FGL1: variants seen among roughly 807,000 people sequenced by gnomAD.
The protein encoded by FGL1 is fibrinogen like 1.
FGL1 carries 59 observed loss-of-function variants against 43.7 expected under a neutral mutation model. The ratio of observed to expected loss-of-function variants is 1.35; its 90% CI spans 1.10 to 1.68. FGL1 has a LOEUF of 1.68. FGL1 is among the 40% of genes most tolerant of loss of function. The pLI, the probability that FGL1 is intolerant of heterozygous loss-of-function variation, is 0.00. For synonymous variants in FGL1, 192 were observed against 126.5 expected, an observed-to-expected ratio of 1.52 and a Z score of -3.48; for missense variants, 596 against 373.0, an observed-to-expected ratio of 1.60 and a Z score of -4.92.
At chr8:17,893,253 G>T (rs1019421081) in intron 1 of FGL1, among the ~76,000 whole-genome samples, 1 of 151,964 alleles carries the variant, frequency 6.6e-6, no homozygotes. Flanking sequence ...GCTTAAAAAA[G>T]AAATTTTCTC....
chr8:17,880,642 G>C (rs2053521062), intron 3 of FGL1, among the ~76,000 whole-genome samples: 1 of 152,172 alleles, frequency 6.6e-6, no homozygotes, highest in African/African-American at 2.4e-5. Flanking sequence ...AGACCTCACA[G>C]AGTGCCCAGT....
intron 2 of FGL1, among the ~76,000 whole-genome samples, chr8:17,883,462 T>G (rs2053580542): frequency 7.9e-6 from 1 of 126,152 alleles, no homozygotes; most frequent in Admixed American, 9.2e-5. Context: ...AGATATTATA[T>G]AATATATAAA....
Position 17,864,495 on chromosome 8 carries a change from A to T in FGL1, c.*97T>A. ...AAGAATGAAAAGCACTACTCACAAC[A>T]GTTATCATGATTGCGCATGGATATG... is the stretch of plus-strand genomic sequence containing the variant. On this transcript the variant is annotated 3_prime_UTR_variant, in exon 8 of 8. Coordinates refer to ENST00000427924, the MANE Select transcript of FGL1 (RefSeq NM_004467.4). 1 of 1,324,238 alleles carries T rather than the reference A, an allele frequency of 7.6e-7. No individual in the cohort carries two copies. The highest frequency in any genetic ancestry group is 1.0e-6 in the Non-Finnish European group (1 of 972,676). The allele number at this position is 1,324,238 out of a possible 1,614,324, so 82.0% of individuals were successfully genotyped here.
intron 3 of FGL1, among the ~76,000 whole-genome samples, chr8:17,875,487 CT>C (rs1312970286): frequency 0.06 from 369 of 6,186 alleles, 20 homozygotes; most frequent in African/African-American, 0.15. Context: ...ATATCTCTTT[CT>C]TTCTTTCTTT....
At chr8:17,884,640 A>G (rs34247352) in intron 2 of FGL1, among the ~76,000 whole-genome samples, 4 of 152,154 alleles carry the variant, frequency 2.6e-5, no homozygotes, top group African/African-American at 9.7e-5. Flanking sequence ...CTGGGTCCTG[A>G]GTTGTTTTAC....
chr8:17,876,713 C>G (rs1324864913), intron 3 of FGL1, among the ~76,000 whole-genome samples: 2 of 152,098 alleles, frequency 1.3e-5, no homozygotes, highest in African/African-American at 4.8e-5. Context: ...AATTTCCTAC[C>G]AAAGAGCTGA....
At chr8:17,881,783 A>G (rs148829286) in intron 3 of FGL1, among the ~76,000 whole-genome samples, 3,217 of 151,412 alleles carry the variant, frequency 0.021, 56 homozygotes, top group South Asian at 0.042. Flanking sequence ...GCAGTGAGCC[A>G]AAATTGCACC....
intron 3 of FGL1, among the ~76,000 whole-genome samples, chr8:17,875,515 CTT>C (rs1298337112): frequency 6.6e-4 from 6 of 9,110 alleles, no homozygotes; most frequent in African/African-American, 2.0e-3. Context: ...TTCTTTCTTT[CTT>C]TCTTTCTTTC....
chr8:17,878,128 T>G (rs1482262447), intron 3 of FGL1, among the ~76,000 whole-genome samples: 1 of 152,086 alleles, frequency 6.6e-6, no homozygotes, highest in East Asian at 1.9e-4. Flanking sequence ...GGCAATTTTT[T>G]TTTTATAGTG....
At chr8:17,864,793 G>A (rs758982917) in intron 7 of FGL1, 42 bp from the exon 8 acceptor site, 16 of 1,394,150 alleles carry the variant, frequency 1.1e-5, no homozygotes, top group East Asian at 2.6e-5. Context: ...CAATCAGACT[G>A]GAAAAATATT....
intron 3 of FGL1, among the ~76,000 whole-genome samples, chr8:17,881,701 G>T (rs1232511919): frequency 7.9e-5 from 12 of 151,404 alleles, no homozygotes; most frequent in Non-Finnish European, 1.6e-4. Context: ...GGGCCTGGTG[G>T]TGGGCACCTG....
intron 5 of FGL1, among the ~76,000 whole-genome samples, chr8:17,871,491 C>CAAA (rs11445398): frequency 3.0e-5 from 4 of 131,926 alleles, no homozygotes; most frequent in African/African-American, 5.6e-5. Flanking sequence ...AAATCTGTCT[C>CAAA]AAAAAAAAAA....
chr8:17,870,930 TC>T (rs2053349644), intron 5 of FGL1, among the ~76,000 whole-genome samples: 2 of 144,404 alleles, frequency 1.4e-5, no homozygotes, highest in Admixed American at 1.4e-4. Flanking sequence ...TTTTTTAGCC[TC>T]CCCTCAAGCT....
chr8:17,885,629 G>C lies in FGL1; in HGVS notation c.-17-58C>G, dbSNP rs77473833. 9.7e-4 allele frequency: 1,404 copies of C among 1,444,960 alleles called. 19 individuals are homozygous for C. In the East Asian group the frequency reaches 0.027, roughly 28 times the overall value. 89.5% of individuals were successfully genotyped at this position (1,444,960 alleles called of 1,614,324 possible). A position where few individuals can be genotyped will look rare whatever the true frequency, so the allele number is the denominator to read the frequency against. ...CAACCTTGAATTTTTCATGAGACCAGAGTTCAGACTTCAGTAGCTCCAGGA... is the reference window on the plus strand; with the variant it reads ...CAACCTTGAATTTTTCATGAGACCACAGTTCAGACTTCAGTAGCTCCAGGA... On this transcript the variant is annotated intron_variant, in intron 1 of 7. Coordinates refer to ENST00000427924, the MANE Select transcript of FGL1 (RefSeq NM_004467.4).
rs537894737 is a variant in FGL1, at chr8:17,867,117, C to T, written c.779+1431G>A. Among the ~76,000 whole-genome samples the T allele has an allele frequency of 8.5e-5, 13 of 152,302 alleles. No individual in the cohort carries two copies. In the East Asian group the frequency reaches 2.3e-3, roughly 27 times the overall value. ...ATAGAAAAGATGACTATTTTTACAA[C>T]AGCAGTAGTACTCCCTTATCTGCAG... is the stretch of plus-strand genomic sequence containing the variant. On this transcript the variant is annotated intron_variant, in intron 7 of 7. Transcript: ENST00000427924.
intron 7 of FGL1, among the ~76,000 whole-genome samples, chr8:17,866,078 T>C (rs888078244): frequency 1.3e-5 from 2 of 152,264 alleles, no homozygotes; most frequent in Non-Finnish European, 2.9e-5. Flanking sequence ...GGCATATATT[T>C]GTCTATCTAG....
At position 17,887,326 on chromosome 8, in the gene FGL1, G is replaced by T. The variant is rs372786685; in HGVS notation, c.-17-1755C>A. ...TCCAAAGAATCCCACCAGTTGGGAAGCCTCCTTCATGCACCTGGGAGAGGT... is the reference window on the plus strand; with the variant it reads ...TCCAAAGAATCCCACCAGTTGGGAATCCTCCTTCATGCACCTGGGAGAGGT... On this transcript the variant is annotated intron_variant, in intron 1 of 7. Coordinates refer to ENST00000427924, the MANE Select transcript of FGL1 (RefSeq NM_004467.4). Among the ~76,000 whole-genome samples the T allele has an allele frequency of 1.9e-4, 29 of 152,294 alleles. No individual in the cohort carries two copies. In the East Asian group the frequency reaches 5.0e-3, roughly 26 times the overall value.
chr8:17,885,463 T>C (rs748821535), intron 2 of FGL1, 29 bp downstream of exon 2: 4 of 1,545,312 alleles, frequency 2.6e-6, no homozygotes, highest in Non-Finnish European at 3.6e-6. Context: ...GCATTATAAA[T>C]ATGACAATAG....
At chr8:17,874,920 G>T (rs2053422357) in intron 3 of FGL1, among the ~76,000 whole-genome samples, 1 of 51,266 alleles carries the variant, frequency 2.0e-5, no homozygotes, top group South Asian at 4.5e-4. Flanking sequence ...GATTACAGGT[G>T]TGAGCTTAGT....
Sources: allele counts gnomAD v4.1 joint callset (sites outside exome capture counted in the v4.1 genomes callset), GRCh38; gene constraint gnomAD v4.1.1; transcripts MANE v1.5; gene names NCBI Gene and HGNC (gene_info 2026-07-23, HGNC 2026-07-21).